CIC: variants seen among roughly 807,000 people sequenced by gnomAD.
CIC encodes the protein capicua transcriptional repressor.
A neutral mutation model predicts 115.7 loss-of-function variants in CIC; 18 were observed. The observed-to-expected ratio is 0.16, with a 90% confidence interval of 0.11 to 0.23. CIC has a LOEUF of 0.23. Ranked by LOEUF, CIC falls within the 10% of genes least tolerant of loss-of-function variation. The pLI, the probability that CIC is intolerant of heterozygous loss-of-function variation, is 1.00. For missense variants in CIC, 2,000 were observed against 2,159.3 expected (o/e 0.93, Z 1.46); for synonymous variants, 1,076 against 923.0 (o/e 1.17, Z -3.01).
chr19:42,295,143 G>GGGGGGGCCCCCCCCCCCCC lies in CIC; in HGVS notation c.7506_7507insGGGGGGCCCCCCCCCCCCC (p.Pro2503GlyfsTer26). The GGGGGGGCCCCCCCCCCCCC allele has an allele frequency of 2.2e-6, 3 of 1,382,730 alleles. No homozygotes were observed. The highest frequency in any genetic ancestry group is 2.9e-6 in the Non-Finnish European group (3 of 1,037,820). 85.7% of individuals were successfully genotyped at this position (1,382,730 alleles called of 1,614,324 possible). On this transcript the variant is annotated frameshift_variant, in exon 21 of 21. Transcript: ENST00000681038. LOFTEE classifies it high-confidence loss of function. ...AGCCTGGCTGGGAGGGGGCTCCCCA[G>GGGGGGGCCCCCCCCCCCCC]CCCTCCCCCCCACCCCCAGGTCCCT...
chr19:42,276,927 C>T (rs971722596), intron 2 of CIC, among the ~76,000 whole-genome samples: 2 of 152,160 alleles, frequency 1.3e-5, no homozygotes, highest in African/African-American at 2.4e-5. Flanking sequence ...AAGTGAGGCC[C>T]TGACAAATGG....
Position 42,287,459 on chromosome 19 carries a change from C to T in CIC, c.3309+10C>T, listed in dbSNP as rs373664149. On this transcript the variant is annotated intron_variant, in intron 5 of 20. Coordinates refer to ENST00000681038, the MANE Select transcript of CIC (RefSeq NM_001386298.1). This position sits in a 1 kb window ranked among gnomAD's most constrained non-coding sequence, Gnocchi z 8.7. Reference sequence around the variant, plus strand: ...ACGCAGCCCCAACAAGGTACTTTATCCCTGCCTGTCCTGTGCTCACCCCGT... The same window carrying T: ...ACGCAGCCCCAACAAGGTACTTTATTCCTGCCTGTCCTGTGCTCACCCCGT... 5.0e-6 allele frequency: 8 copies of T among 1,612,662 alleles called. No homozygotes were observed. Among genetic ancestry groups the T allele is most frequent in the Admixed American group, 3.3e-5 (2 of 60,014 alleles).
At position 42,295,052 on chromosome 19, in the gene CIC, G is replaced by A. The variant is rs1409198167; in HGVS notation, c.7415G>A (p.Ser2472Asn). ...PAGGPDPTSPSSDSGTAQAAP... is the reference protein window; with the variant it reads ...PAGGPDPTSPNSDSGTAQAAP... ...GGGGGCCCTGACCCCACCTCACCCA[G>A]CTCGGACTCTGGCACGGCCCAGGCT... Residue 2472 changes from serine (S) to asparagine (N), a missense_variant, in exon 21 of 21, where the codon AGC becomes AAC. By Grantham distance (46) the Ser-to-Asn change is conservative. Coordinates refer to ENST00000681038, the MANE Select transcript of CIC (RefSeq NM_001386298.1). 2.6e-6 allele frequency: 4 copies of A among 1,538,122 alleles called. No homozygotes were observed. The Admixed American group carries it at 5.9e-5, about 23-fold the overall frequency.
At chr19:42,269,039 C>G (rs1394773390), upstream of CIC, among the ~76,000 whole-genome samples, 1 of 152,140 alleles carries the variant, frequency 6.6e-6, no homozygotes, top group Non-Finnish European at 1.5e-5. Flanking sequence ...GTCGTAGGCT[C>G]AGGTTGGTGT....
chr19:42,286,769 A>G lies in CIC; in HGVS notation c.2795-2A>G. On this transcript the variant is annotated splice_acceptor_variant, in intron 2 of 20. Transcript: ENST00000681038. LOFTEE classifies it high-confidence loss of function. ...CACAGCTCACCTGGCTCCTTTCCAC[A>G]GTGTGGACGAATGTGGAACCTCGCT... 1 of 1,613,936 alleles carries G rather than the reference A, an allele frequency of 6.2e-7. No homozygotes were observed. Among genetic ancestry groups the G allele is most frequent in the Non-Finnish European group, 8.5e-7 (1 of 1,179,940 alleles).
At position 42,274,358 on chromosome 19, in the gene CIC, C is replaced by T; in HGVS notation, c.2575C>T (p.Leu859=). The change falls in exon 2 of 21, where the codon CTG becomes TTG. Residue 859 remains leucine (L), a synonymous_variant. Transcript: ENST00000681038. ...TGGGGTGGCCAGTGGGAAGCCTGGC[C>T]TGCCCCCACCTCTGCCAGCCCCCGT... ...PPGVASGKPG[L]PPPLPAPVPI... is the part of the protein sequence containing the mutation. 1 of 398,554 alleles carries T rather than the reference C, an allele frequency of 2.5e-6. No homozygotes were observed. Among genetic ancestry groups the T allele is most frequent in the African/African-American group, 2.1e-5 (1 of 48,590 alleles). The allele number at this position is 398,554 out of a possible 1,614,324, so 24.7% of individuals were successfully genotyped here.
At position 42,273,663 on chromosome 19, in the gene CIC, C is replaced by T; in HGVS notation, c.1880C>T (p.Pro627Leu). ...SPVSTQSPFS[P>L]APSPSPSPLF... ...GTCTCCACTCAATCGCCCTTCTCGC[C>T]AGCCCCATCACCCTCACCCTCACCA... is the stretch of plus-strand genomic sequence containing the variant. The change falls in exon 2 of 21, where the codon CCA becomes CTA. Residue 627 changes from proline to leucine, a missense_variant. Pro to Leu is a moderately conservative substitution (Grantham distance 98). Transcript: ENST00000681038. 2.5e-6 allele frequency: 1 copy of T among 398,908 alleles called. No individual in the cohort carries two copies. Among genetic ancestry groups the T allele is most frequent in the East Asian group, 3.6e-5 (1 of 28,076 alleles). The allele number at this position is 398,908 out of a possible 1,614,324, so 24.7% of individuals were successfully genotyped here. A position where few individuals can be genotyped will look rare whatever the true frequency, so the allele number is the denominator to read the frequency against.
At position 42,292,587 on chromosome 19, in the gene CIC, C is replaced by T; in HGVS notation, c.5924C>T (p.Ala1975Val). The T allele has an allele frequency of 6.2e-7, 1 of 1,613,364 alleles. No individual in the cohort carries two copies. The highest frequency in any genetic ancestry group is 8.5e-7 in the Non-Finnish European group (1 of 1,179,924). ...LLSAGQAPLL[A>V]PGQVGVSPVP... ...TCAGCAGGCCAAGCCCCACTGCTGG[C>T]TCCCGGTCAGGTGGGCGTGTCACCT... Residue 1975 changes from alanine to valine, a missense_variant, in exon 15 of 21, where the codon GCT becomes GTT. Ala to Val is a moderately conservative substitution (Grantham distance 64). Coordinates refer to ENST00000681038, the MANE Select transcript of CIC (RefSeq NM_001386298.1).
At position 42,270,640 on chromosome 19, in the gene CIC, G is replaced by T. The variant is rs374495536; in HGVS notation, c.-10-1134G>T. Among the ~76,000 whole-genome samples the T allele has an allele frequency of 2.2e-4, 34 of 152,216 alleles. No homozygotes were observed. In the East Asian group the frequency reaches 3.9e-3, roughly 17 times the overall value. On this transcript the variant is annotated intron_variant, in intron 1 of 20. Transcript: ENST00000681038. The surrounding 1 kb of genome is among the most constrained non-coding windows in gnomAD (Gnocchi z 4.1). ...TTGGAGGGCATATTTGGGGGCCTGC[G>T]GGGGGCTAGCCGACTCAGCCACCCT...
intron 2 of CIC, among the ~76,000 whole-genome samples, chr19:42,282,581 A>T (rs1395863064): frequency 6.6e-6 from 1 of 152,036 alleles, no homozygotes; most frequent in African/African-American, 2.4e-5. Flanking sequence ...TCATTGTCTA[A>T]CTATATTCCC....
In CIC at chr19:42,292,242, GA is replaced by G. The variant is rs779565637; in HGVS notation, c.5735+37del. 357 of 1,613,720 alleles carry G rather than the reference GA, an allele frequency of 2.2e-4. 1 individual carries two copies. The highest frequency in any genetic ancestry group is 3.3e-4 in the Admixed American group (20 of 60,004). Reference sequence around the variant, plus strand: ...GCTGAGCCCATACTCAGAGGCCAGGGAAGGGGTGGGGCGGGGCCGGCTTACC... The same window carrying G: ...GCTGAGCCCATACTCAGAGGCCAGGGAGGGGTGGGGCGGGGCCGGCTTACC... On this transcript the variant is annotated intron_variant, in intron 13 of 20. Coordinates refer to ENST00000681038, the MANE Select transcript of CIC (RefSeq NM_001386298.1).
At chr19:42,269,207 G>C (rs1458509937), upstream of CIC, 1 of 152,040 alleles carries the variant, frequency 6.6e-6, no homozygotes, top group South Asian at 2.1e-4. Flanking sequence ...CAGTGGGGTT[G>C]TGATCGCTGA....
Position 42,273,355 on chromosome 19 carries a change from C to T in CIC, c.1572C>T (p.His524=), listed in dbSNP as rs2036853720. Residue 524 remains histidine, a synonymous_variant, in exon 2 of 21, where the codon CAC becomes CAT. Coordinates refer to ENST00000681038, the MANE Select transcript of CIC (RefSeq NM_001386298.1). ...AGCGGCGAGGCTACTGCTCACGCCA[C>T]CTGTCCATGCGAACCAAAGAGATGG... The part of the protein sequence containing the change: ...ESQRRGYCSR[H]LSMRTKEMEG... 2.5e-6 allele frequency: 1 copy of T among 398,396 alleles called. No homozygotes were observed. Among genetic ancestry groups the T allele is most frequent in the Non-Finnish European group, 4.4e-6 (1 of 225,962 alleles). The allele number at this position is 398,396 out of a possible 1,614,324, so 24.7% of individuals were successfully genotyped here.
intron 2 of CIC, chr19:42,284,781 G>T: frequency 1.3e-6 from 2 of 1,550,646 alleles, no homozygotes; most frequent in Non-Finnish European, 1.7e-6. Context: ...GGTCAGTAGC[G>T]CCTGGGCCCT....
In CIC at chr19:42,294,034, C is replaced by T. The variant is rs201648356; in HGVS notation, c.6867C>T (p.Ala2289=). ...VLPSPTLQSL[A]TSPRAILGSY... ...CCTCCCCCACCCTGCAGTCTCTGGC[C>T]ACCTCACCCCGGGCCATCCTGGGCT... The change falls in exon 18 of 21, where the codon GCC becomes GCT. Residue 2289 remains alanine, a synonymous_variant. Coordinates refer to ENST00000681038, the MANE Select transcript of CIC (RefSeq NM_001386298.1). 128 of 1,613,626 alleles carry T rather than the reference C, an allele frequency of 7.9e-5. 1 individual carries two copies. The East Asian group carries it at 2.8e-3, about 35-fold the overall frequency.
In CIC at chr19:42,291,091, C is replaced by T. The variant is rs367942692; in HGVS notation, c.5050C>T (p.Pro1684Ser). ...CACCCCGGGGTATGGGGCCCCTGCGCCCCCTGCTGTCCAGTTCATTGCCCA... is the reference window on the plus strand; with the variant it reads ...CACCCCGGGGTATGGGGCCCCTGCGTCCCCTGCTGTCCAGTTCATTGCCCA... ...VGTPGYGAPA[P>S]PAVQFIAQGA... Residue 1684 changes from proline (P) to serine (S), a missense_variant, in exon 11 of 21, where the codon CCC (proline) becomes TCC (serine). Physicochemically the swap from Pro to Ser is moderately conservative, Grantham distance 74 (BLOSUM62 -1). This residue lies in a region of CIC where 1,466 missense variants were observed against 1,390.4 expected (regional missense o/e 1.05). Coordinates refer to ENST00000681038, the MANE Select transcript of CIC (RefSeq NM_001386298.1). 27 of 1,613,506 alleles carry T rather than the reference C, an allele frequency of 1.7e-5. No homozygotes were observed. Among genetic ancestry groups the T allele is most frequent in the South Asian group, 1.1e-4 (10 of 91,074 alleles).
chr19:42,283,327 C>A lies in CIC; in HGVS notation c.2795-3444C>A, dbSNP rs2037351428. On this transcript the variant is annotated intron_variant, in intron 2 of 20. Coordinates refer to ENST00000681038, the MANE Select transcript of CIC (RefSeq NM_001386298.1). ...GGCTGGTGGGGGTGTGATGAGGATG[C>A]GGGTTGGCGAAGCATGTGTGACAGG... Among the ~76,000 whole-genome samples, 3 of 151,814 alleles carry A rather than the reference C, an allele frequency of 2.0e-5. No individual in the cohort carries two copies. The South Asian group carries it at 6.3e-4, about 32-fold the overall frequency.
At chr19:42,277,620 T>C (rs1011078757) in intron 2 of CIC, among the ~76,000 whole-genome samples, 1 of 152,218 alleles carries the variant, frequency 6.6e-6, no homozygotes, top group African/African-American at 2.4e-5. Context: ...CAATAATACC[T>C]ACTCTACTGA....
Position 42,290,667 on chromosome 19 carries a change from G to A in CIC, c.4626G>A (p.Leu1542=). 1 of 1,613,340 alleles carries A rather than the reference G, an allele frequency of 6.2e-7. No homozygotes were observed. The highest frequency in any genetic ancestry group is 8.5e-7 in the Non-Finnish European group (1 of 1,179,934). ...GGGNILQTLV[L]PPNKEEQEGG... is the part of the protein sequence containing the mutation. ...GAAACATCCTGCAGACACTGGTGCTGCCCCCAAACAAGGAGGAGCAAGAGG... is the reference window on the plus strand; with the variant it reads ...GAAACATCCTGCAGACACTGGTGCTACCCCCAAACAAGGAGGAGCAAGAGG... The change falls in exon 11 of 21, where the codon CTG becomes CTA. Residue 1542 remains leucine (L), a synonymous_variant. Transcript: ENST00000681038.
Sources: allele counts gnomAD v4.1 joint callset (sites outside exome capture counted in the v4.1 genomes callset), GRCh38; gene constraint gnomAD v4.1.1; regional missense constraint gnomAD v4.1.1; non-coding constraint Gnocchi (gnomAD v3.1); transcripts MANE v1.5; gene names NCBI Gene and HGNC (gene_info 2026-07-23, HGNC 2026-07-21).